Variants in KHDRBS2 observed in about 807,000 individuals in gnomAD.
The protein encoded by KHDRBS2 is KH domain-containing, RNA-binding, signal transduction-associated protein 2.
Under a neutral mutation model 44.3 loss-of-function variants are expected in KHDRBS2, and 26 were observed. The observed-to-expected ratio is 0.59, with a 90% CI of 0.43 to 0.81. The LOEUF is 0.81. Among genes scored for constraint, KHDRBS2 ranks in the 40% least tolerant of loss-of-function variants. The probability of loss-of-function intolerance (pLI) is 0.00; values close to 1 mark genes in which losing one functional copy is unlikely to be tolerated. For missense variants in KHDRBS2, 476 were observed against 433.1 expected (o/e 1.10, Z -0.88); for synonymous variants, 194 against 151.1 (o/e 1.28, Z -2.08).
At chr6:61,587,942 T>A in the KHDRBS2 span, among the ~76,000 whole-genome samples, 1 of 152,176 alleles carries the variant, frequency 6.6e-6, no homozygotes, top group Non-Finnish European at 1.5e-5. Context: ...AATCTGTGCT[T>A]AAGAAACAGC....
intron 2 of KHDRBS2, among the ~76,000 whole-genome samples, chr6:62,092,426 C>T (rs891958579): frequency 2.6e-5 from 4 of 152,042 alleles, no homozygotes; most frequent in Admixed American, 6.6e-5. Flanking sequence ...TAAGCACAAC[C>T]GAATCAAAAT....
At chr6:62,096,052 T>A (rs1350314332) in intron 2 of KHDRBS2, among the ~76,000 whole-genome samples, 2 of 152,014 alleles carry the variant, frequency 1.3e-5, no homozygotes, top group Non-Finnish European at 2.9e-5. Context: ...ACCATACGTA[T>A]CCCTGGGATG....
intron 6 of KHDRBS2, among the ~76,000 whole-genome samples, chr6:61,764,369 A>ATTTTC (rs1562118692): frequency 6.6e-6 from 1 of 152,148 alleles, no homozygotes; most frequent in Non-Finnish European, 1.5e-5. Flanking sequence ...GCTGGGTAAA[A>ATTTTC]TGGTATTTTC....
the KHDRBS2 span, among the ~76,000 whole-genome samples, chr6:61,559,357 T>A: frequency 1.3e-5 from 2 of 152,096 alleles, no homozygotes; most frequent in East Asian, 1.9e-4. Flanking sequence ...GTTTGGGTTT[T>A]TTTTTTTCTA....
chr6:61,810,825 G>A (rs1483142167), intron 6 of KHDRBS2, among the ~76,000 whole-genome samples: 6 of 152,040 alleles, frequency 3.9e-5, no homozygotes, highest in Non-Finnish European at 8.8e-5. Flanking sequence ...GAATGAGTGG[G>A]CTCTTTTGGG....
chr6:62,274,367 T>G (rs1168158396), intron 1 of KHDRBS2, among the ~76,000 whole-genome samples: 1 of 152,264 alleles, frequency 6.6e-6, no homozygotes, highest in Non-Finnish European at 1.5e-5. Flanking sequence ...TCCATCACAC[T>G]TGCCCCTTTT....
At chr6:61,715,965 T>G (rs1648484368) in intron 7 of KHDRBS2, among the ~76,000 whole-genome samples, 1 of 100,194 alleles carries the variant, frequency 1.0e-5, no homozygotes, top group Non-Finnish European at 2.0e-5. Context: ...GCAGGTTATA[T>G]TTTTTTAAAA....
At chr6:61,564,678 A>G in the KHDRBS2 span, among the ~76,000 whole-genome samples, 3 of 152,116 alleles carry the variant, frequency 2.0e-5, no homozygotes, top group Non-Finnish European at 4.4e-5. Context: ...TATTAAGGAC[A>G]GGGAGGCTGT....
At chr6:61,824,026 G>C (rs142442591) in intron 6 of KHDRBS2, among the ~76,000 whole-genome samples, 1 of 151,984 alleles carries the variant, frequency 6.6e-6, no homozygotes, top group Non-Finnish European at 1.5e-5. Flanking sequence ...TTTCCCAAAA[G>C]AAAATTTTTT....
At chr6:61,602,040 C>T in the KHDRBS2 span, among the ~76,000 whole-genome samples, 17 of 152,284 alleles carry the variant, frequency 1.1e-4, no homozygotes, top group African/African-American at 3.8e-4. Context: ...GGCAGCAACC[C>T]TGAGATGCTT....
chr6:61,603,877 C>A, the KHDRBS2 span, among the ~76,000 whole-genome samples: 12 of 152,206 alleles, frequency 7.9e-5, no homozygotes, highest in East Asian at 2.1e-3. Flanking sequence ...ACATACACCC[C>A]ATTTCCCCAT....
In KHDRBS2 at chr6:61,954,590, A is replaced by ATACATATATATGTG. The variant is rs1562510984; in HGVS notation, c.483+23475_483+23476insCACATATATATGTA. Among the ~76,000 whole-genome samples the ATACATATATATGTG allele has an allele frequency of 3.6e-3, 458 of 127,356 alleles. 3 individuals are homozygous for ATACATATATATGTG. The highest frequency in any genetic ancestry group is 6.3e-3 in the South Asian group (26 of 4,128). The allele number at this position is 127,356 out of a possible 152,430, so 83.6% of individuals were successfully genotyped here. ...CATACGTATGTAGACATATTTATGT[A>ATACATATATATGTG]TATATACACATACATACTTATGTAT... On this transcript the variant is annotated intron_variant, in intron 4 of 8. Coordinates refer to ENST00000281156, the MANE Select transcript of KHDRBS2 (RefSeq NM_152688.4).
intron 3 of KHDRBS2, among the ~76,000 whole-genome samples, chr6:62,035,171 CA>C (rs533723331): frequency 5.5e-4 from 83 of 152,060 alleles, no homozygotes; most frequent in African/African-American, 1.9e-3. Flanking sequence ...ATCAGTATAT[CA>C]AAGACATATC....
chr6:62,156,742 G>T (rs555662577), intron 2 of KHDRBS2, among the ~76,000 whole-genome samples: 128 of 151,960 alleles, frequency 8.4e-4, no homozygotes, highest in Non-Finnish European at 1.7e-3. Context: ...CGTGATCTCG[G>T]CTCACTGCAA....
the KHDRBS2 span, among the ~76,000 whole-genome samples, chr6:61,673,506 A>T: frequency 6.7e-6 from 1 of 149,254 alleles, no homozygotes. Context: ...AGACGACATG[A>T]TTGTATATCT....
At chr6:61,737,294 T>C (rs2127562448) in intron 6 of KHDRBS2, among the ~76,000 whole-genome samples, 1 of 152,164 alleles carries the variant, frequency 6.6e-6, no homozygotes, top group Admixed American at 6.6e-5. Flanking sequence ...ATAAAGCATA[T>C]AGTGCAATGT....
intron 6 of KHDRBS2, among the ~76,000 whole-genome samples, chr6:61,823,349 AC>A (rs1728016836): frequency 6.6e-6 from 1 of 152,088 alleles, no homozygotes; most frequent in Non-Finnish European, 1.5e-5. Context: ...AAAACCAAAT[AC>A]ATTTTCTGAT....
chr6:61,845,160 CAT>C (rs1183657248), intron 6 of KHDRBS2, among the ~76,000 whole-genome samples: 1 of 152,086 alleles, frequency 6.6e-6, no homozygotes, highest in Non-Finnish European at 1.5e-5. Flanking sequence ...ACATGATTGA[CAT>C]ATGAGTTCAC....
chr6:61,721,145 T>C (rs2127555430), intron 7 of KHDRBS2, among the ~76,000 whole-genome samples: 1 of 152,114 alleles, frequency 6.6e-6, no homozygotes, highest in East Asian at 1.9e-4. Context: ...TGTATCTCTG[T>C]TTTGGTACCA....
Sources: allele counts gnomAD v4.1 joint callset (sites outside exome capture counted in the v4.1 genomes callset), GRCh38; gene constraint gnomAD v4.1.1; transcripts MANE v1.5; gene names NCBI Gene and HGNC (gene_info 2026-07-23, HGNC 2026-07-21).